Variants in SUGCT observed in about 807,000 individuals in gnomAD.
SUGCT encodes succinyl-CoA:glutarate-CoA transferase.
SUGCT carries 41 observed loss-of-function variants against 55.0 expected under a neutral mutation model. That is an observed-to-expected ratio of 0.74 (90% CI 0.58 to 0.97). The LOEUF (loss-of-function observed/expected upper bound fraction) is 0.97. Ranked by LOEUF, SUGCT falls within the 50% of genes least tolerant of loss-of-function variation. SUGCT has a pLI of 0.00. For missense variants in SUGCT, 568 were observed against 547.8 expected (o/e 1.04, Z -0.37); for synonymous variants, 187 against 200.4 (o/e 0.93, Z 0.56).
At position 40,195,023 on chromosome 7, in the gene SUGCT, C is replaced by T. The variant is rs182170636; in HGVS notation, c.447C>T (p.Asp149=). 175 of 1,613,792 alleles carry T rather than the reference C, an allele frequency of 1.1e-4. No individual in the cohort carries two copies. The highest frequency in any genetic ancestry group is 1.8e-4 in the Admixed American group (11 of 60,008). Residue 149 remains aspartate, a synonymous_variant, in exon 6 of 14, where the codon GAC becomes GAT. Transcript: ENST00000335693. The part of the protein sequence containing the change: ...SAMGLGYEDI[D]EIAPHIIYCS... ...TGGGCCTGGGATATGAAGATATAGA[C>T]GAGATTGCTCCTCACATCATCTATT...
chr7:40,321,086 T>TC (rs1385831168), intron 9 of SUGCT, among the ~76,000 whole-genome samples: 1 of 144,092 alleles, frequency 6.9e-6, no homozygotes, highest in African/African-American at 2.5e-5. Flanking sequence ...TTCTTTTTTT[T>TC]TTTTTTTTGA....
chr7:40,599,877 A>G (rs1447502613), intron 12 of SUGCT, among the ~76,000 whole-genome samples: 1 of 152,250 alleles, frequency 6.6e-6, no homozygotes, highest in East Asian at 1.9e-4. Flanking sequence ...CTCAGCATTC[A>G]AAGAACCGGC....
the SUGCT span, among the ~76,000 whole-genome samples, chr7:41,002,539 G>A: frequency 6.6e-6 from 1 of 152,094 alleles, no homozygotes; most frequent in Admixed American, 6.6e-5. Flanking sequence ...GAAGAGGAAA[G>A]GGAAACCCAA....
At chr7:40,779,387 G>T (rs1438693160) in intron 13 of SUGCT, among the ~76,000 whole-genome samples, 1 of 152,140 alleles carries the variant, frequency 6.6e-6, no homozygotes, top group East Asian at 1.9e-4. Flanking sequence ...TCTGATCCTA[G>T]TGTTTAAACA....
At chr7:40,214,750 C>T (rs1192105118) in intron 6 of SUGCT, among the ~76,000 whole-genome samples, 1 of 151,922 alleles carries the variant, frequency 6.6e-6, no homozygotes, top group Non-Finnish European at 1.5e-5. Context: ...CCCATCTCTA[C>T]TAAAAATACA....
intron 9 of SUGCT, among the ~76,000 whole-genome samples, chr7:40,328,926 G>A (rs528490026): frequency 2.6e-5 from 4 of 152,166 alleles, no homozygotes; most frequent in Non-Finnish European, 5.9e-5. Context: ...GCCTGGCATA[G>A]CTCCTCTTTG....
intron 10 of SUGCT, among the ~76,000 whole-genome samples, chr7:40,457,205 C>T (rs1018898704): frequency 9.9e-5 from 15 of 151,882 alleles, no homozygotes; most frequent in African/African-American, 2.9e-4. Context: ...TTTGGGAGGC[C>T]GAAGTGGGCA....
chr7:40,468,293 A>T (rs1414976890), intron 11 of SUGCT, among the ~76,000 whole-genome samples: 1 of 152,078 alleles, frequency 6.6e-6, no homozygotes, highest in Admixed American at 6.6e-5. Context: ...GCCTTCCTGA[A>T]AACTGTTTGA....
At chr7:40,819,274 G>T (rs1213567887) in intron 13 of SUGCT, among the ~76,000 whole-genome samples, 1 of 152,126 alleles carries the variant, frequency 6.6e-6, no homozygotes, top group East Asian at 1.9e-4. Flanking sequence ...TATATACCCA[G>T]TAATGGTTTG....
chr7:40,246,323 C>T (rs567663956), intron 7 of SUGCT, among the ~76,000 whole-genome samples: 1 of 151,556 alleles, frequency 6.6e-6, no homozygotes, highest in Non-Finnish European at 1.5e-5. Flanking sequence ...AACCTTGGCT[C>T]ACTGCAACAT....
At chr7:40,934,684 GGTCGATCTCAGACTGC>G in the SUGCT span, among the ~76,000 whole-genome samples, 127 of 152,108 alleles carry the variant, frequency 8.3e-4, no homozygotes, top group African/African-American at 3.0e-3. Context: ...GCAGCTTGCA[GGTCGATCTCAGACTGC>G]TGCGCTAGCA....
At chr7:40,541,884 A>G (rs139562518) in intron 12 of SUGCT, among the ~76,000 whole-genome samples, 403 of 152,338 alleles carry the variant, frequency 2.6e-3, no homozygotes, top group Non-Finnish European at 4.3e-3. Flanking sequence ...TTTAGGATAT[A>G]TTTCATGGAG....
chr7:40,340,755 C>T (rs552133247), intron 9 of SUGCT, among the ~76,000 whole-genome samples: 10 of 152,222 alleles, frequency 6.6e-5, no homozygotes, highest in East Asian at 3.9e-4. Flanking sequence ...GAAATAAAAG[C>T]GTTTTTATAC....
intron 12 of SUGCT, among the ~76,000 whole-genome samples, chr7:40,583,589 G>C (rs549899099): frequency 2.6e-5 from 4 of 152,232 alleles, no homozygotes; most frequent in African/African-American, 9.6e-5. Context: ...TGAAAAGAAG[G>C]TTTCCACATT....
intron 12 of SUGCT, among the ~76,000 whole-genome samples, chr7:40,747,020 G>A (rs1189713455): frequency 3.3e-5 from 5 of 152,118 alleles, no homozygotes; most frequent in Admixed American, 2.0e-4. Context: ...AGCACCTCCC[G>A]TTGGCATTTA....
intron 7 of SUGCT, among the ~76,000 whole-genome samples, chr7:40,247,605 T>A (rs77532538): frequency 0.017 from 2,590 of 152,218 alleles, 63 homozygotes; most frequent in African/African-American, 0.06. Flanking sequence ...TAGCAGCTGA[T>A]TGTGATTTGA....
Position 40,739,109 on chromosome 7 carries a change from A to G in SUGCT, c.1090-10325A>G, listed in dbSNP as rs139429912. Among the ~76,000 whole-genome samples the G allele has an allele frequency of 3.8e-3, 584 of 152,264 alleles. 2 individuals carry two copies. Among genetic ancestry groups the G allele is most frequent in the African/African-American group, 0.014 (562 of 41,562 alleles). On this transcript the variant is annotated intron_variant, in intron 12 of 13. Transcript: ENST00000335693. Reference sequence around the variant, plus strand: ...AGATCCCATGTAGCCCTGTTCCCCAATGGTAACTTCTTGCAAAACTATACC... The same window carrying G: ...AGATCCCATGTAGCCCTGTTCCCCAGTGGTAACTTCTTGCAAAACTATACC...
intron 12 of SUGCT, among the ~76,000 whole-genome samples, chr7:40,721,215 CT>C (rs200146932): frequency 4.0e-5 from 6 of 151,868 alleles, no homozygotes; most frequent in Non-Finnish European, 8.8e-5. Flanking sequence ...CTTGATTTTT[CT>C]TTTTTTTAAA....
At position 40,439,062 on chromosome 7, in the gene SUGCT, GTGTATATATATATATATA is replaced by G. The variant is rs1278945059; in HGVS notation, c.817-10223_817-10206del. On this transcript the variant is annotated intron_variant, in intron 9 of 13. Transcript: ENST00000335693. ...TATATATATATATGGTATATATATG[GTGTATATATATATATATA>G]TATATATATATATATATATATATAT... is the stretch of plus-strand genomic sequence containing the variant. Among the ~76,000 whole-genome samples, 56 of 47,030 alleles carry G rather than the reference GTGTATATATATATATATA, an allele frequency of 1.2e-3. 6 individuals are homozygous for G. The highest frequency in any genetic ancestry group is 5.1e-3 in the South Asian group (6 of 1,172). The allele number at this position is 47,030 out of a possible 152,430, so 30.9% of individuals were successfully genotyped here. A position where few individuals can be genotyped will look rare whatever the true frequency, so the allele number is the denominator to read the frequency against.
Sources: gnomAD v4.1 joint callset for allele counts (sites outside exome capture counted in the v4.1 genomes callset) on GRCh38, gnomAD v4.1.1 for gene constraint, MANE v1.5 for transcripts, NCBI Gene and HGNC (gene_info 2026-07-23, HGNC 2026-07-21) for gene names.